The following CCDC7 variants were observed in gnomAD, a reference collection of about 807,000 sequenced individuals.
CCDC7 encodes coiled-coil domain containing 7, also known as coiled-coil domain-containing protein 7.
CCDC7 carries 183 observed loss-of-function variants against 196.9 expected under a neutral mutation model. The ratio of observed to expected loss-of-function variants is 0.93; its 90% CI spans 0.82 to 1.05. CCDC7 has a LOEUF of 1.05. CCDC7 is among the 50% of genes least tolerant of loss of function. The pLI is 0.00. For synonymous variants in CCDC7, 525 were observed against 484.6 expected (o/e 1.08, Z -1.10); for missense variants, 1,540 against 1,482.2 (o/e 1.04, Z -0.64).
upstream of CCDC7, among the ~76,000 whole-genome samples, chr10:32,450,912 T>G (rs2032890608): frequency 6.6e-6 from 1 of 152,286 alleles, no homozygotes; most frequent in African/African-American, 2.4e-5. Context: ...GAGCCTTTGT[T>G]TAGGGGTTTC....
At chr10:32,727,147 C>T (rs1224450657) in intron 26 of CCDC7, among the ~76,000 whole-genome samples, 1 of 152,056 alleles carries the variant, frequency 6.6e-6, no homozygotes, top group Non-Finnish European at 1.5e-5. Context: ...AGATCATACC[C>T]AATGATCACT....
At chr10:32,586,196 C>T (rs575078788) in intron 18 of CCDC7, among the ~76,000 whole-genome samples, 2 of 152,122 alleles carry the variant, frequency 1.3e-5, no homozygotes, top group Non-Finnish European at 2.9e-5. Flanking sequence ...CTGTTCATAT[C>T]CTTCGCCCAC....
At chr10:32,728,147 G>A (rs2083395591) in intron 26 of CCDC7, among the ~76,000 whole-genome samples, 1 of 152,032 alleles carries the variant, frequency 6.6e-6, no homozygotes, top group African/African-American at 2.4e-5. Context: ...CTGAAGGAGG[G>A]GTTCTGTAGT....
At chr10:32,594,067 T>G (rs1164445062) in intron 18 of CCDC7, among the ~76,000 whole-genome samples, 1 of 152,170 alleles carries the variant, frequency 6.6e-6, no homozygotes, top group Non-Finnish European at 1.5e-5. Flanking sequence ...TTAAAGTAGT[T>G]TTTTCCAATT....
intron 18 of CCDC7, among the ~76,000 whole-genome samples, chr10:32,619,429 TATA>T (rs773525179): frequency 1.3e-5 from 2 of 151,960 alleles, no homozygotes; most frequent in African/African-American, 2.4e-5. Flanking sequence ...GCATTGAAAA[TATA>T]ATAATGGTAG....
chr10:32,877,703 C>T (rs1176205483), downstream of CCDC7, among the ~76,000 whole-genome samples: 3 of 152,088 alleles, frequency 2.0e-5, no homozygotes, highest in Non-Finnish European at 4.4e-5. Context: ...TTATAGAATA[C>T]TTATTTGATT....
At chr10:32,633,682 G>GTA (rs139788574) in intron 18 of CCDC7, among the ~76,000 whole-genome samples, 5,047 of 121,556 alleles carry the variant, frequency 0.042, 119 homozygotes, top group African/African-American at 0.056. Context: ...TTAGCTTTGT[G>GTA]TATATATATA....
chr10:32,675,695 T>A (rs1346518329), intron 21 of CCDC7: 2 of 152,322 alleles, frequency 1.3e-5, no homozygotes, highest in East Asian at 3.8e-4. Context: ...AAGGACCTCT[T>A]CAAGGAGAAC....
chr10:32,459,809 A>G (rs576332337), intron 3 of CCDC7, among the ~76,000 whole-genome samples: 2 of 152,218 alleles, frequency 1.3e-5, no homozygotes, highest in Non-Finnish European at 2.9e-5. Flanking sequence ...GAACAAGGCC[A>G]AAGGACCTAC....
chr10:32,508,069 G>C (rs2045490512), intron 9 of CCDC7, among the ~76,000 whole-genome samples: 1 of 152,172 alleles, frequency 6.6e-6, no homozygotes, highest in South Asian at 2.1e-4. Context: ...ATCCAAATCA[G>C]AATAGAAGAA....
intron 28 of CCDC7, among the ~76,000 whole-genome samples, chr10:32,736,466 T>C (rs1178687311): frequency 6.6e-6 from 1 of 152,162 alleles, no homozygotes; most frequent in Non-Finnish European, 1.5e-5. Context: ...TGTATACATG[T>C]GACATGCTGG....
intron 9 of CCDC7, among the ~76,000 whole-genome samples, chr10:32,494,176 C>T (rs1355488808): frequency 6.6e-6 from 1 of 152,024 alleles, no homozygotes; most frequent in Non-Finnish European, 1.5e-5. Flanking sequence ...TCAGGTTTTA[C>T]GTTTAAGTTT....
At chr10:32,683,397 C>T (rs1453419066) in intron 21 of CCDC7, among the ~76,000 whole-genome samples, 1 of 152,098 alleles carries the variant, frequency 6.6e-6, no homozygotes, top group Non-Finnish European at 1.5e-5. Flanking sequence ...TTACTGTAAC[C>T]TTGTAGAGTA....
intron 24 of CCDC7, among the ~76,000 whole-genome samples, chr10:32,707,680 GACAA>G (rs1488397842): frequency 7.2e-5 from 11 of 152,212 alleles, no homozygotes; most frequent in African/African-American, 1.7e-4. Flanking sequence ...ACCAATAACA[GACAA>G]ACAGAGAGCC....
At chr10:32,828,927 G>A (rs766187000) in intron 32 of CCDC7, among the ~76,000 whole-genome samples, 1 of 152,106 alleles carries the variant, frequency 6.6e-6, no homozygotes, top group African/African-American at 2.4e-5. Flanking sequence ...AGGGAGGAAC[G>A]CTGCCACCAG....
chr10:32,572,071 C>G (rs1048727516), intron 16 of CCDC7, among the ~76,000 whole-genome samples, 178 bp downstream of exon 17: 1 of 151,806 alleles, frequency 6.6e-6, no homozygotes, highest in Non-Finnish European at 1.5e-5. Context: ...CAGTCAAAAT[C>G]AAAATTAAAT....
At chr10:32,723,059 C>G (rs554909082) in intron 25 of CCDC7, among the ~76,000 whole-genome samples, 79 of 152,200 alleles carry the variant, frequency 5.2e-4, no homozygotes, top group Non-Finnish European at 8.8e-4. Flanking sequence ...CTTTATTAAT[C>G]AGGATCCATT....
At chr10:32,797,331 C>T (rs1038352204) in intron 29 of CCDC7, among the ~76,000 whole-genome samples, 6 of 151,102 alleles carry the variant, frequency 4.0e-5, no homozygotes, top group Non-Finnish European at 7.4e-5. Context: ...TACTACTCAG[C>T]CACAAAAAGG....
chr10:32,560,034 T>G lies in CCDC7; in HGVS notation c.1135-5524T>G, dbSNP rs1169658562. On this transcript the variant is annotated intron_variant, in intron 13 of 41. Transcript: ENST00000639629. ...GAACTACGTGAAGAATGCAGAAGCC[T>G]CAGGAGCCGATGTGATCAACTGGAA... Among the ~76,000 whole-genome samples, 8 of 152,258 alleles carry G rather than the reference T, an allele frequency of 5.3e-5. No homozygotes were observed. In the East Asian group the frequency reaches 1.4e-3, roughly 26 times the overall value.
Sources: gnomAD v4.1 joint callset for allele counts (sites outside exome capture counted in the v4.1 genomes callset) on GRCh38, gnomAD v4.1.1 for gene constraint, MANE v1.5 for transcripts, NCBI Gene and HGNC (gene_info 2026-07-23, HGNC 2026-07-21) for gene names.